The following TBC1D24 variants were observed in gnomAD, a reference collection of about 807,000 sequenced individuals.
TBC1D24 encodes Infantile myoclonic epilepsy.
A neutral mutation model predicts 50.7 loss-of-function variants in TBC1D24; 47 were observed. The observed-to-expected ratio is 0.93, with a 90% CI of 0.73 to 1.18. The LOEUF (loss-of-function observed/expected upper bound fraction) is 1.18. Ranked by LOEUF, TBC1D24 falls within the 50% of genes most tolerant of loss-of-function variation. The pLI is 0.00. For missense variants in TBC1D24, 688 were observed against 766.5 expected, an observed-to-expected ratio of 0.90 and a Z score of 1.21; for synonymous variants, 324 against 335.2, an observed-to-expected ratio of 0.97 and a Z score of 0.36.
chr16:2,498,402 AC>A lies in TBC1D24; in HGVS notation c.1142+10del. 1 of 1,599,714 alleles carries A rather than the reference AC, an allele frequency of 6.3e-7. No homozygotes were observed. On this transcript the variant is annotated splice_region_variant and intron_variant, in intron 4 of 7. Coordinates refer to ENST00000646147, the MANE Select transcript of TBC1D24 (RefSeq NM_001199107.2). ...CACGGGTACAGCCTGGCCAGGTAAC[AC>A]CCCAAGGGGCCAGAGCGGGCGGCAG...
At chr16:2,491,821 G>A (rs911670139) in intron 1 of TBC1D24, among the ~76,000 whole-genome samples, 2 of 151,846 alleles carry the variant, frequency 1.3e-5, no homozygotes, top group Admixed American at 1.3e-4. Flanking sequence ...CCAAAGTGCT[G>A]GGATTACAGG....
chr16:2,496,056 T>C lies in TBC1D24; in HGVS notation c.-93T>C. 6.5e-7 allele frequency: 1 copy of C among 1,545,272 alleles called. No homozygotes were observed. Among genetic ancestry groups the C allele is most frequent in the South Asian group, 1.2e-5 (1 of 86,724 alleles). On this transcript the variant is annotated 5_prime_UTR_variant, in exon 2 of 8. Coordinates refer to ENST00000646147, the MANE Select transcript of TBC1D24 (RefSeq NM_001199107.2). ...CAGGGTGTGAGATGGCAGACAGGTT[T>C]GCAGGAAACCCTCAGAAAGGGGGCT...
At position 2,499,481 on chromosome 16, in the gene TBC1D24, G is replaced by A; in HGVS notation, c.1206+61G>A. Reference sequence around the variant, plus strand: ...TGGGCTCCAGGGCTGGCTCTGATGGGCTCCAGGGCTGGCTCTGATGGGCTT... The same window carrying A: ...TGGGCTCCAGGGCTGGCTCTGATGGACTCCAGGGCTGGCTCTGATGGGCTT... On this transcript the variant is annotated intron_variant, in intron 5 of 7. Transcript: ENST00000646147. The surrounding 1 kb of genome is among the most constrained non-coding windows in gnomAD (Gnocchi z 4.0). The A allele has an allele frequency of 2.0e-6, 3 of 1,489,648 alleles. No individual in the cohort carries two copies. The highest frequency in any genetic ancestry group is 1.8e-4 in the Middle Eastern group (1 of 5,530). 92.3% of individuals were successfully genotyped at this position (1,489,648 alleles called of 1,614,324 possible).
In TBC1D24 at chr16:2,500,996, T is replaced by C; in HGVS notation, c.*38T>C. The C allele has an allele frequency of 6.2e-7, 1 of 1,603,340 alleles. No individual in the cohort carries two copies. On this transcript the variant is annotated 3_prime_UTR_variant, in exon 8 of 8. Coordinates refer to ENST00000646147, the MANE Select transcript of TBC1D24 (RefSeq NM_001199107.2). This position sits in a 1 kb window ranked among gnomAD's most constrained non-coding sequence, Gnocchi z 8.0. ...CGGTGACTGAGCCGTGGTGGGGCGG[T>C]GGGCCGAGGCTGGGCTGCCGCCTCG...
In TBC1D24 at chr16:2,488,711, T is replaced by A. The variant is rs530541057; in HGVS notation, c.-115-7323T>A. Among the ~76,000 whole-genome samples, 4 of 150,062 alleles carry A rather than the reference T, an allele frequency of 2.7e-5. No individual in the cohort carries two copies. In the East Asian group the frequency reaches 7.9e-4, roughly 30 times the overall value. ...ATTTAGTAGAAATGGGGTTTCACCATGTTAGCCAGGATTACAGGTGTGAGC... is the reference window on the plus strand; with the variant it reads ...ATTTAGTAGAAATGGGGTTTCACCAAGTTAGCCAGGATTACAGGTGTGAGC... On this transcript the variant is annotated intron_variant, in intron 1 of 7. Transcript: ENST00000646147.
rs1029867981 is a variant in TBC1D24 at position 2,487,118 on chromosome 16, G to A, written c.-115-8916G>A. Among the ~76,000 whole-genome samples the A allele has an allele frequency of 6.6e-6, 1 of 152,228 alleles. No homozygotes were observed. The highest frequency in any genetic ancestry group is 1.5e-5 in the Non-Finnish European group (1 of 68,032). ...CCCTCAGCACTGCCAGGGCCGCCCA[G>A]CTCGCCTTCGCCCACTCTTGCCTCC... On this transcript the variant is annotated intron_variant, in intron 1 of 7. Transcript: ENST00000646147. The surrounding 1 kb of genome is among the most constrained non-coding windows in gnomAD (Gnocchi z 4.1).
rs1297656612 is a variant in TBC1D24 at position 2,498,227 on chromosome 16, G to A, written c.984-11G>A. On this transcript the variant is annotated splice_polypyrimidine_tract_variant and intron_variant, in intron 3 of 7. Transcript: ENST00000646147. ...TGCCTTCGGGCTCTGACCCCTGCTC[G>A]CTCCCCTCAGGCAGTTTGTACACTT... is the stretch of plus-strand genomic sequence containing the variant. The A allele has an allele frequency of 5.0e-6, 8 of 1,598,964 alleles. No individual in the cohort carries two copies. Among genetic ancestry groups the A allele is most frequent in the East Asian group, 2.3e-5 (1 of 44,286 alleles).
At chr16:2,495,636 A>C (rs1316367289) in intron 1 of TBC1D24, among the ~76,000 whole-genome samples, 1 of 152,200 alleles carries the variant, frequency 6.6e-6, no homozygotes, top group East Asian at 1.9e-4. Context: ...AAAATTAGCC[A>C]GGCATGGTGG....
In TBC1D24 at chr16:2,496,512, G is replaced by A. The variant is rs1382319795; in HGVS notation, c.364G>A (p.Ala122Thr). The change falls in exon 2 of 8, where the codon GCC (alanine) becomes ACC (threonine). Residue 122 changes from alanine to threonine, a missense_variant. Ala to Thr is a moderately conservative substitution (Grantham distance 58). Coordinates refer to ENST00000646147, the MANE Select transcript of TBC1D24 (RefSeq NM_001199107.2). ...CGTGCGCAAGATCCTCCTGTGCCTG[G>A]CCAACCAGTTCCCCGACATCTCCTT... ...GAVRKILLCL[A>T]NQFPDISFCP... The A allele has an allele frequency of 1.9e-6, 3 of 1,609,032 alleles. No individual in the cohort carries two copies. Among genetic ancestry groups the A allele is most frequent in the African/African-American group, 2.7e-5 (2 of 74,934 alleles).
chr16:2,484,718 C>G (rs1045529088), intron 1 of TBC1D24: 1 of 152,354 alleles, frequency 6.6e-6, no homozygotes, highest in African/African-American at 2.4e-5. Context: ...TGTTCCAGGG[C>G]TGAGGCCTAG....
In TBC1D24 at chr16:2,486,080, C is replaced by T. The variant is rs1382193274; in HGVS notation, c.-115-9954C>T. 6.6e-6 allele frequency among the ~76,000 whole-genome samples: 1 copy of T among 152,210 alleles called. No homozygotes were observed. The highest frequency in any genetic ancestry group is 2.4e-5 in the African/African-American group (1 of 41,454). On this transcript the variant is annotated intron_variant, in intron 1 of 7. Coordinates refer to ENST00000646147, the MANE Select transcript of TBC1D24 (RefSeq NM_001199107.2). The surrounding 1 kb of genome is among the most constrained non-coding windows in gnomAD (Gnocchi z 5.8). ...GTCGGTGCTCAGGAGCGGGTGGGGCCTGCCGGTCTCCCTAGCCCACCACCA... is the reference window on the plus strand; with the variant it reads ...GTCGGTGCTCAGGAGCGGGTGGGGCTTGCCGGTCTCCCTAGCCCACCACCA...
rs938579880 is a variant in TBC1D24, at chr16:2,501,467, C to T, written c.*509C>T. ...TCCCAGCGTAGATCCCGAGAACAGACTGGCACCCTTGGGCCTGCCCCCTGG... is the reference window on the plus strand; with the variant it reads ...TCCCAGCGTAGATCCCGAGAACAGATTGGCACCCTTGGGCCTGCCCCCTGG... On this transcript the variant is annotated 3_prime_UTR_variant, in exon 8 of 8. Coordinates refer to ENST00000646147, the MANE Select transcript of TBC1D24 (RefSeq NM_001199107.2). 1 of 171,052 alleles carries T rather than the reference C, an allele frequency of 5.8e-6. No individual in the cohort carries two copies. Among genetic ancestry groups the T allele is most frequent in the Non-Finnish European group, 1.3e-5 (1 of 78,500 alleles). The allele number at this position is 171,052 out of a possible 1,614,324, so 10.6% of individuals were successfully genotyped here. A position where few individuals can be genotyped will look rare whatever the true frequency, so the allele number is the denominator to read the frequency against.
Position 2,482,801 on chromosome 16 carries a change from C to T in TBC1D24, c.-116+7631C>T, listed in dbSNP as rs1257593436. ...GGGTGGGCTCCATTGGAGAGACAGG[C>T]ACGGGCGGTGGAGGAGCAGCCGCGG... On this transcript the variant is annotated intron_variant, in intron 1 of 7. Transcript: ENST00000646147. This position sits in a 1 kb window ranked among gnomAD's most constrained non-coding sequence, Gnocchi z 5.2. Among the ~76,000 whole-genome samples the T allele has an allele frequency of 6.6e-6, 1 of 152,090 alleles. No homozygotes were observed. Among genetic ancestry groups the T allele is most frequent in the African/African-American group, 2.4e-5 (1 of 41,424 alleles).
At position 2,496,045 on chromosome 16, in the gene TBC1D24, G is replaced by A; in HGVS notation, c.-104G>A. 6.9e-7 allele frequency: 1 copy of A among 1,455,572 alleles called. No individual in the cohort carries two copies. Among genetic ancestry groups the A allele is most frequent in the Non-Finnish European group, 9.5e-7 (1 of 1,056,002 alleles). 90.2% of individuals were successfully genotyped at this position (1,455,572 alleles called of 1,614,324 possible). On this transcript the variant is annotated 5_prime_UTR_variant, in exon 2 of 8. Coordinates refer to ENST00000646147, the MANE Select transcript of TBC1D24 (RefSeq NM_001199107.2). The stretch of plus-strand genomic sequence containing the variant: ...TTTTAATCCTGCAGGGTGTGAGATG[G>A]CAGACAGGTTTGCAGGAAACCCTCA...
At chr16:2,494,940 G>A (rs2065725106) in intron 1 of TBC1D24, among the ~76,000 whole-genome samples, 1 of 151,778 alleles carries the variant, frequency 6.6e-6, no homozygotes, top group South Asian at 2.1e-4. Context: ...ATTCCAGCAT[G>A]GTGGGAAGAT....
At position 2,478,634 on chromosome 16, in the gene TBC1D24, C is replaced by G. The variant is rs544121795; in HGVS notation, c.-116+3464C>G. On this transcript the variant is annotated intron_variant, in intron 1 of 7. Coordinates refer to ENST00000646147, the MANE Select transcript of TBC1D24 (RefSeq NM_001199107.2). Reference sequence around the variant, plus strand: ...AGAAAAACGAGACGGAATCCTGAACCCTGTGGACTCCTAATACAGTCTTAA... The same window carrying G: ...AGAAAAACGAGACGGAATCCTGAACGCTGTGGACTCCTAATACAGTCTTAA... The G allele has an allele frequency of 2.0e-5, 3 of 152,312 alleles. No individual in the cohort carries two copies. In the South Asian group the frequency reaches 6.2e-4, roughly 32 times the overall value. 9.4% of individuals were successfully genotyped at this position (152,312 alleles called of 1,614,324 possible).
chr16:2,494,927 G>A (rs976978852), intron 1 of TBC1D24, among the ~76,000 whole-genome samples: 2 of 151,690 alleles, frequency 1.3e-5, no homozygotes, highest in Non-Finnish European at 2.9e-5. Flanking sequence ...ACTCTCACTC[G>A]TAATTCCAGC....
chr16:2,475,243 C>G lies in TBC1D24; in HGVS notation c.-116+73C>G. The G allele has an allele frequency of 1.4e-5, 2 of 147,358 alleles. 1 individual carries two copies. The highest frequency in any genetic ancestry group is 4.1e-4 in the South Asian group (2 of 4,828). The allele number at this position is 147,358 out of a possible 1,614,324, so 9.1% of individuals were successfully genotyped here. On this transcript the variant is annotated intron_variant, in intron 1 of 7. Coordinates refer to ENST00000646147, the MANE Select transcript of TBC1D24 (RefSeq NM_001199107.2). The surrounding 1 kb of genome is among the most constrained non-coding windows in gnomAD (Gnocchi z 4.2). ...GGCGGGGCCGGGTCCCCGCTGTCAC[C>G]GCGGTCGGCGCGTGCTGGGGGCGGG...
chr16:2,478,998 T>C (rs576659778), intron 1 of TBC1D24: 1 of 151,950 alleles, frequency 6.6e-6, no homozygotes, highest in South Asian at 2.1e-4. Context: ...ACTCAAGCAG[T>C]CTTCCCACCT....
Sources: gnomAD v4.1 joint callset for allele counts (sites outside exome capture counted in the v4.1 genomes callset) on GRCh38, gnomAD v4.1.1 for gene constraint, Gnocchi (gnomAD v3.1) non-coding constraint, MANE v1.5 for transcripts, NCBI Gene and HGNC (gene_info 2026-07-23, HGNC 2026-07-21) for gene names.